The following LRRC37A2 variants were observed in gnomAD, a reference collection of about 807,000 sequenced individuals.
LRRC37A2 encodes the protein leucine-rich repeat-containing protein 37A2.
A neutral mutation model predicts 68.8 loss-of-function variants in LRRC37A2; 9 were observed. That is an observed-to-expected ratio of 0.13 (90% CI 0.08 to 0.23). The LOEUF (loss-of-function observed/expected upper bound fraction) is 0.23. Among genes scored for constraint, LRRC37A2 ranks in the 10% least tolerant of loss-of-function variants. The probability of loss-of-function intolerance (pLI) is 1.00; values close to 1 mark genes in which losing one functional copy is unlikely to be tolerated. For missense variants in LRRC37A2, 168 were observed against 950.4 expected, an observed-to-expected ratio of 0.18 and a Z score of 10.82; for synonymous variants, 63 against 367.6, an observed-to-expected ratio of 0.17 and a Z score of 9.48.
chr17:46,824,917 G>A, the LRRC37A2 span, among the ~76,000 whole-genome samples: 1 of 152,232 alleles, frequency 6.6e-6, no homozygotes, highest in African/African-American at 2.4e-5. Context: ...TGCCTCCAGT[G>A]GGATGAGATT....
At chr17:46,690,700 G>T in the LRRC37A2 span, among the ~76,000 whole-genome samples, 1 of 95,292 alleles carries the variant, frequency 1.0e-5, no homozygotes, top group African/African-American at 4.2e-5. Flanking sequence ...AGGATGCAAG[G>T]TATTACATAG....
the LRRC37A2 span, among the ~76,000 whole-genome samples, chr17:46,892,246 T>A: frequency 6.6e-6 from 1 of 151,978 alleles, no homozygotes; most frequent in African/African-American, 2.4e-5. Flanking sequence ...TGGCTGGAAA[T>A]GTCACACCCC....
the LRRC37A2 span, among the ~76,000 whole-genome samples, chr17:46,788,406 C>G: frequency 1.3e-5 from 2 of 152,150 alleles, no homozygotes; most frequent in African/African-American, 4.8e-5. Flanking sequence ...GTTCCCACAC[C>G]AGGACTTTGC....
chr17:46,871,827 T>C, the LRRC37A2 span, among the ~76,000 whole-genome samples: 1 of 152,228 alleles, frequency 6.6e-6, no homozygotes, highest in African/African-American at 2.4e-5. Context: ...CCATCAGTCC[T>C]TCCTTCCTTC....
At chr17:46,784,863 C>G in the LRRC37A2 span, among the ~76,000 whole-genome samples, 2 of 151,456 alleles carry the variant, frequency 1.3e-5, no homozygotes, top group African/African-American at 2.4e-5. Context: ...GCAAGCTCCA[C>G]CTCCCGGGTT....
chr17:46,708,265 C>T, the LRRC37A2 span, among the ~76,000 whole-genome samples: 1 of 152,082 alleles, frequency 6.6e-6, no homozygotes, highest in African/African-American at 2.4e-5. Context: ...TGAGGGACCA[C>T]CATACCGTTT....
chr17:46,944,348 A>G, the LRRC37A2 span, among the ~76,000 whole-genome samples: 2 of 152,232 alleles, frequency 1.3e-5, no homozygotes, highest in African/African-American at 2.4e-5. Flanking sequence ...GCTGGCAGCA[A>G]CCACGGGCCA....
chr17:46,930,668 A>C, the LRRC37A2 span: 1 of 1,052 alleles, frequency 9.5e-4, no homozygotes, highest in African/African-American at 9.7e-4. Flanking sequence ...TTTTTTAAAT[A>C]AAAAAAAAAA....
chr17:46,981,483 A>T, the LRRC37A2 span, among the ~76,000 whole-genome samples: 2 of 152,172 alleles, frequency 1.3e-5, no homozygotes, highest in African/African-American at 4.8e-5. Flanking sequence ...GTTTTAATGC[A>T]GAAAGAAGGC....
the LRRC37A2 span, among the ~76,000 whole-genome samples, chr17:47,004,487 G>A: frequency 1.3e-5 from 2 of 152,304 alleles, no homozygotes; most frequent in East Asian, 1.9e-4. Context: ...TCCCACTGGG[G>A]GCCTCCCTCA....
chr17:46,732,966 A>G, the LRRC37A2 span, among the ~76,000 whole-genome samples: 2 of 152,186 alleles, frequency 1.3e-5, no homozygotes, highest in African/African-American at 2.4e-5. Flanking sequence ...GAGGTTTCAC[A>G]TGTGCTTCCC....
At chr17:46,890,912 C>T in the LRRC37A2 span, among the ~76,000 whole-genome samples, 1 of 152,184 alleles carries the variant, frequency 6.6e-6, no homozygotes, top group African/African-American at 2.4e-5. Context: ...AGGACTTTGC[C>T]CGCCTCATCC....
At chr17:46,883,468 A>G in the LRRC37A2 span, among the ~76,000 whole-genome samples, 1 of 151,578 alleles carries the variant, frequency 6.6e-6, no homozygotes, top group African/African-American at 2.4e-5. Context: ...TATTTTTAGT[A>G]GAGACGGGGT....
chr17:46,721,938 C>T, the LRRC37A2 span: 2 of 1,599,612 alleles, frequency 1.3e-6, no homozygotes, highest in African/African-American at 2.7e-5. Context: ...ACTAGCCGGA[C>T]TTGGATTTTC....
chr17:46,954,407 G>A, the LRRC37A2 span, among the ~76,000 whole-genome samples: 2 of 152,120 alleles, frequency 1.3e-5, no homozygotes, highest in Non-Finnish European at 2.9e-5. Context: ...CTCTGTGTTG[G>A]TACCAGTACC....
the LRRC37A2 span, among the ~76,000 whole-genome samples, chr17:46,751,121 C>A: frequency 6.6e-6 from 1 of 152,078 alleles, no homozygotes; most frequent in Non-Finnish European, 1.5e-5. Flanking sequence ...TCAGGTTACC[C>A]ATGTAGACAG....
At chr17:46,924,104 C>T in the LRRC37A2 span, among the ~76,000 whole-genome samples, 2,430 of 152,286 alleles carry the variant, frequency 0.016, 62 homozygotes, top group African/African-American at 0.056. Context: ...CCCAGTGTGC[C>T]TGTTAATCAG....
chr17:46,944,397 C>T, the LRRC37A2 span, among the ~76,000 whole-genome samples: 1 of 152,184 alleles, frequency 6.6e-6, no homozygotes, highest in African/African-American at 2.4e-5. Flanking sequence ...ATGGGGGTAA[C>T]ACCTGTCCCA....
At chr17:46,934,394 C>G in the LRRC37A2 span, among the ~76,000 whole-genome samples, 2 of 152,146 alleles carry the variant, frequency 1.3e-5, no homozygotes, top group Non-Finnish European at 2.9e-5. Flanking sequence ...TGGTAGCATG[C>G]ACCTATGGTC....
Sources: gnomAD v4.1 joint callset for allele counts (sites outside exome capture counted in the v4.1 genomes callset) on GRCh38, gnomAD v4.1.1 for gene constraint, MANE v1.5 for transcripts, NCBI Gene and HGNC (gene_info 2026-07-23, HGNC 2026-07-21) for gene names.